Variants in NRP1 observed in about 807,000 individuals in gnomAD.
The protein encoded by NRP1 is neuropilin 1.
Under a neutral mutation model 106.7 loss-of-function variants are expected in NRP1, and 35 were observed. The observed-to-expected ratio is 0.33, with a 90% CI of 0.25 to 0.43. The LOEUF (loss-of-function observed/expected upper bound fraction) is 0.43, where lower values mean the gene tolerates loss of function less well. Ranked by LOEUF, NRP1 falls within the 20% of genes least tolerant of loss-of-function variation. NRP1 has a pLI of 1.00. For synonymous variants in NRP1, 437 were observed against 417.9 expected (o/e 1.05, Z -0.56); for missense variants, 1,024 against 1,170.4 (o/e 0.87, Z 1.83).
intron 3 of NRP1, among the ~76,000 whole-genome samples, chr10:33,267,698 G>A (rs1318289921): frequency 6.6e-6 from 1 of 152,146 alleles, no homozygotes; most frequent in Non-Finnish European, 1.5e-5. Flanking sequence ...CAGTGGGGAG[G>A]CTTGAGTTTC....
At chr10:33,203,641 A>T (rs1837519643) in intron 10 of NRP1, among the ~76,000 whole-genome samples, 1 of 151,354 alleles carries the variant, frequency 6.6e-6, no homozygotes, top group Non-Finnish European at 1.5e-5. Context: ...GAACTCTCAT[A>T]GGACTGCATT....
intron 2 of NRP1, among the ~76,000 whole-genome samples, chr10:33,310,114 A>AT (rs768789114): frequency 8.0e-5 from 12 of 149,980 alleles, no homozygotes; most frequent in South Asian, 2.1e-4. Context: ...CGCCCGGCTA[A>AT]TTTTTTTTGT....
rs949681684 is a variant in NRP1, at chr10:33,178,552, T to G, written c.*1524A>C. 1 of 152,218 alleles carries G rather than the reference T, an allele frequency of 6.6e-6. No homozygotes were observed. Among genetic ancestry groups the G allele is most frequent in the African/African-American group, 2.4e-5 (1 of 41,446 alleles). The allele number at this position is 152,218 out of a possible 1,614,324, so 9.4% of individuals were successfully genotyped here. On this transcript the variant is annotated 3_prime_UTR_variant, in exon 17 of 17. Coordinates refer to ENST00000374867, the MANE Select transcript of NRP1 (RefSeq NM_003873.7). ...ACCCCCAGGCATCAGGATTTATAGT[T>G]TCATTCTTAAATTAACTGTTCTTCC...
chr10:33,256,272 TTGAG>T, intron 5 of NRP1, 40 bp downstream of exon 5: 1 of 1,593,510 alleles, frequency 6.3e-7, no homozygotes, highest in African/African-American at 1.3e-5. Flanking sequence ...AGGAATAACA[TTGAG>T]TATTTACCAC....
intron 2 of NRP1, among the ~76,000 whole-genome samples, chr10:33,319,249 G>A (rs996384420): frequency 2.6e-5 from 4 of 151,634 alleles, no homozygotes; most frequent in East Asian, 2.0e-4. Flanking sequence ...CTCGTGATCC[G>A]CCCGCCTCAG....
chr10:33,227,702 TCAGAGTAGTGATGAC>T (rs1299022935), intron 6 of NRP1, among the ~76,000 whole-genome samples: 1 of 152,102 alleles, frequency 6.6e-6, no homozygotes, highest in Admixed American at 6.6e-5. Flanking sequence ...TTGGAAGGCA[TCAGAGTAGTGATGAC>T]CAGAGGGTGA....
intron 11 of NRP1, among the ~76,000 whole-genome samples, chr10:33,198,106 C>A: frequency 7.8e-6 from 1 of 128,636 alleles, no homozygotes; most frequent in African/African-American, 3.0e-5. Flanking sequence ...CACTTAAAAT[C>A]TAATCTCTTA....
chr10:33,286,598 G>T (rs918899305), intron 2 of NRP1, among the ~76,000 whole-genome samples: 6 of 152,174 alleles, frequency 3.9e-5, no homozygotes, highest in African/African-American at 1.2e-4. Flanking sequence ...GAGAGCCAAA[G>T]AAATGCCTGG....
intron 6 of NRP1, among the ~76,000 whole-genome samples, chr10:33,235,116 A>C (rs938602869): frequency 1.3e-5 from 2 of 152,246 alleles, no homozygotes; most frequent in Admixed American, 6.5e-5. Flanking sequence ...TTTTGCATAA[A>C]TCAGGAGCAA....
intron 2 of NRP1, among the ~76,000 whole-genome samples, chr10:33,319,069 A>G (rs917855119): frequency 7.1e-6 from 1 of 140,778 alleles, no homozygotes; most frequent in Admixed American, 7.6e-5. Context: ...CAGTGGCACG[A>G]TATCAGCTCA....
intron 2 of NRP1, among the ~76,000 whole-genome samples, chr10:33,324,864 A>G (rs1588999256): frequency 6.6e-6 from 1 of 151,518 alleles, no homozygotes; most frequent in African/African-American, 2.4e-5. Flanking sequence ...TTTCAGTCGA[A>G]CTCCTGACTT....
chr10:33,320,975 T>C (rs1347372079), intron 2 of NRP1, among the ~76,000 whole-genome samples: 1 of 152,182 alleles, frequency 6.6e-6, no homozygotes, highest in East Asian at 1.9e-4. Context: ...AGAGTTGATC[T>C]AGAAATTTAC....
intron 11 of NRP1, chr10:33,201,124 T>G (rs1837271198): frequency 1.3e-5 from 2 of 152,234 alleles, no homozygotes; most frequent in Admixed American, 1.3e-4. Context: ...CCTTATAGTT[T>G]TGAAAGGTTG....
intron 2 of NRP1, among the ~76,000 whole-genome samples, chr10:33,274,555 CTGAACAGA>C (rs779586216): frequency 1.7e-4 from 26 of 152,070 alleles, no homozygotes; most frequent in Non-Finnish European, 3.7e-4. Flanking sequence ...GTATGTGGTG[CTGAACAGA>C]TGAATAGTGA....
At chr10:33,228,668 A>G (rs1016490148) in intron 6 of NRP1, among the ~76,000 whole-genome samples, 10 of 152,200 alleles carry the variant, frequency 6.6e-5, no homozygotes, top group African/African-American at 1.7e-4. Flanking sequence ...ATAGAAGCCA[A>G]TTTGAAGTTA....
intron 6 of NRP1, among the ~76,000 whole-genome samples, chr10:33,249,964 T>C (rs1160494703): frequency 6.6e-6 from 1 of 152,152 alleles, no homozygotes; most frequent in Non-Finnish European, 1.5e-5. Flanking sequence ...CTTGTTCCTG[T>C]CTTGATGGAA....
intron 2 of NRP1, among the ~76,000 whole-genome samples, chr10:33,328,345 C>T (rs767693046): frequency 3.3e-5 from 5 of 150,810 alleles, no homozygotes; most frequent in South Asian, 2.1e-4. Context: ...AATTAGTATA[C>T]GCTGATTATT....
chr10:33,299,973 GA>G (rs1845687433), intron 2 of NRP1, among the ~76,000 whole-genome samples: 1 of 152,132 alleles, frequency 6.6e-6, no homozygotes, highest in Non-Finnish European at 1.5e-5. Context: ...AATTGACTTA[GA>G]AAGCCACTCG....
chr10:33,213,412 T>C lies in NRP1; in HGVS notation c.1588A>G (p.Met530Val), dbSNP rs1838478582. 6.2e-7 allele frequency: 1 copy of C among 1,614,060 alleles called. No homozygotes were observed. The highest frequency in any genetic ancestry group is 8.5e-7 in the Non-Finnish European group (1 of 1,180,024). ...TTCGCCTTGCGTTTGCTGTCATCCA[T>C]GATCATCTTCCAGTCCGAGCCGTTG... Reference protein sequence around the residue: ...SNNGSDWKMIMDDSKRKAKSF... With the variant: ...SNNGSDWKMIVDDSKRKAKSF... The change falls in exon 9 of 17, where the codon ATG becomes GTG. Residue 530 changes from methionine (M) to valine (V), a missense_variant. By Grantham distance (21) the Met-to-Val change is conservative (BLOSUM62 1). Coordinates refer to ENST00000374867, the MANE Select transcript of NRP1 (RefSeq NM_003873.7).
Sources: gnomAD v4.1 joint callset for allele counts (sites outside exome capture counted in the v4.1 genomes callset) on GRCh38, gnomAD v4.1.1 for gene constraint, MANE v1.5 for transcripts, NCBI Gene and HGNC (gene_info 2026-07-23, HGNC 2026-07-21) for gene names.